NTRK1: variants seen among roughly 807,000 people sequenced by gnomAD.
NTRK1 encodes neurotrophic receptor tyrosine kinase 1.
NTRK1 carries 62 observed loss-of-function variants against 86.8 expected under a neutral mutation model. The ratio of observed to expected loss-of-function variants is 0.71; its 90% confidence interval spans 0.58 to 0.88. The LOEUF is 0.88. NTRK1 is among the 40% of genes least tolerant of loss of function. NTRK1 has a pLI of 0.00. For synonymous variants in NTRK1, 469 were observed against 456.6 expected (o/e 1.03, Z -0.35); for missense variants, 967 against 1,078.4 (o/e 0.90, Z 1.45).
chr1:156,866,727 A>G (rs1655949178), intron 3 of NTRK1, among the ~76,000 whole-genome samples, 183 bp from the exon 4 acceptor site: 2 of 145,940 alleles, frequency 1.4e-5, no homozygotes, highest in Admixed American at 1.4e-4. Flanking sequence ...GGACTCAGAA[A>G]GTCCCCCCAC....
At chr1:156,867,800 A>G (rs1647252427) in intron 4 of NTRK1, among the ~76,000 whole-genome samples, 1 of 151,828 alleles carries the variant, frequency 6.6e-6, no homozygotes. Context: ...CAGCCTCCTG[A>G]GTAGGTGGGA....
chr1:156,849,206 T>TGTGG (rs1655117633), intron 2 of NTRK1: 1 of 1,608,212 alleles, frequency 6.2e-7, no homozygotes. Flanking sequence ...GTGTCTAGTG[T>TGTGG]GTGGCCGCGT....
chr1:156,867,304 T>A (rs1348450974), intron 4 of NTRK1, among the ~76,000 whole-genome samples: 1 of 152,118 alleles, frequency 6.6e-6, no homozygotes, highest in Non-Finnish European at 1.5e-5. Flanking sequence ...GCAGCAGGGG[T>A]CCATGTGTAC....
intron 1 of NTRK1, chr1:156,816,218 C>G: frequency 7.0e-7 from 1 of 1,429,828 alleles, no homozygotes; most frequent in Non-Finnish European, 9.3e-7. Flanking sequence ...ACAGGAAAAA[C>G]GCAGAAGGGC....
intron 1 of NTRK1, chr1:156,841,439 A>G (rs149108213): frequency 4.2e-4 from 678 of 1,613,828 alleles, no homozygotes; most frequent in Non-Finnish European, 5.1e-4. Context: ...CCCGCCATCC[A>G]TGACGAACTT....
intron 2 of NTRK1, chr1:156,843,110 G>A: frequency 6.2e-7 from 1 of 1,614,126 alleles, no homozygotes; most frequent in Non-Finnish European, 8.5e-7. Flanking sequence ...CACGGGTGTG[G>A]ACTCCTCTCC....
At chr1:156,867,864 G>A (rs1018016520) in intron 4 of NTRK1, among the ~76,000 whole-genome samples, 4 of 149,262 alleles carry the variant, frequency 2.7e-5, no homozygotes, top group Admixed American at 7.6e-5. Context: ...TAGTAGAGAC[G>A]GGGTTTCACT....
intron 3 of NTRK1, among the ~76,000 whole-genome samples, chr1:156,865,526 G>C (rs1360753721): frequency 6.6e-6 from 1 of 152,210 alleles, no homozygotes; most frequent in East Asian, 1.9e-4. Context: ...GTGTGGCCCG[G>C]TTCCTAAGAG....
At position 156,848,967 on chromosome 1, in the gene NTRK1, G is replaced by A. The variant is rs1316412063; in HGVS notation, c.50+6774G>A. On this transcript the variant is annotated intron_variant, in intron 2 of 16. Coordinates refer to the NTRK1 transcript ENST00000392302. ...AAGCTGAGCAGGTCGCGGGCCTCCA[G>A]TGGCTCATAGCGCTCCCAGCGTAGC... The A allele has an allele frequency of 1.9e-6, 3 of 1,605,840 alleles. No individual in the cohort carries two copies. The African/African-American group carries it at 4.0e-5, about 21-fold the overall frequency.
At chr1:156,829,106 T>G (rs993758118) in intron 1 of NTRK1, among the ~76,000 whole-genome samples, 1 of 151,980 alleles carries the variant, frequency 6.6e-6, no homozygotes, top group Non-Finnish European at 1.5e-5. Flanking sequence ...AGAAATAAAT[T>G]TATGAACAAA....
chr1:156,842,328 A>G, intron 2 of NTRK1: 1 of 1,613,382 alleles, frequency 6.2e-7, no homozygotes, highest in Non-Finnish European at 8.5e-7. Flanking sequence ...TCTCCTGTCC[A>G]GAACTGGCCC....
intron 1 of NTRK1, among the ~76,000 whole-genome samples, chr1:156,822,523 C>T (rs1276969092): frequency 1.3e-5 from 2 of 150,164 alleles, no homozygotes; most frequent in African/African-American, 4.9e-5. Flanking sequence ...GATCCCACCA[C>T]TGCACTCCAG....
At chr1:156,844,767 C>T in intron 2 of NTRK1, 2 of 1,614,122 alleles carry the variant, frequency 1.2e-6, no homozygotes, top group Non-Finnish European at 1.7e-6. Context: ...GGTCTGGTGG[C>T]TCGAGCCAGC....
rs772255621 is a variant in NTRK1 at position 156,841,019 on chromosome 1, G to C, written c.-63-1062G>C. The C allele has an allele frequency of 6.8e-6, 11 of 1,607,698 alleles. No individual in the cohort carries two copies. In the Admixed American group the frequency reaches 1.9e-4, roughly 27 times the overall value. On this transcript the variant is annotated intron_variant, in intron 1 of 16. Transcript: ENST00000392302. ...GAGAGGAGGCGGAAGGAGGGCCGCA[G>C]CTCCTCCTGTATGCTGTCCAGAATG...
At chr1:156,864,905 C>A in intron 3 of NTRK1, 106 bp downstream of exon 3, 1 of 1,166,720 alleles carries the variant, frequency 8.6e-7, no homozygotes, top group Non-Finnish European at 1.3e-6. Context: ...AGGGCCCAAG[C>A]CTGGTCAGGG....
Position 156,826,293 on chromosome 1 carries a change from C to CTTTTTTTTTTT in NTRK1, c.-64+10468_-64+10478dup, listed in dbSNP as rs386368405. Among the ~76,000 whole-genome samples, 6 of 88,434 alleles carry CTTTTTTTTTTT rather than the reference C, an allele frequency of 6.8e-5. 2 individuals are homozygous for CTTTTTTTTTTT. The highest frequency in any genetic ancestry group is 8.2e-5 in the African/African-American group (2 of 24,448). 58.0% of individuals were successfully genotyped at this position (88,434 alleles called of 152,430 possible). The stretch of plus-strand genomic sequence containing the variant: ...ACGTTGTCCAGGCTAGACTTGAGCT[C>CTTTTTTTTTTT]TTTTTTTTTTTTTTTTTTTTTTTCT... On this transcript the variant is annotated intron_variant, in intron 1 of 16. Transcript: ENST00000392302.
chr1:156,823,004 G>T (rs914349587), intron 1 of NTRK1, among the ~76,000 whole-genome samples: 1 of 152,180 alleles, frequency 6.6e-6, no homozygotes, highest in Non-Finnish European at 1.5e-5. Flanking sequence ...TTGGTCCACT[G>T]CATGAGGATC....
At chr1:156,857,397 C>T (rs1182667574), upstream of NTRK1, among the ~76,000 whole-genome samples, 1 of 152,200 alleles carries the variant, frequency 6.6e-6, no homozygotes, top group African/African-American at 2.4e-5. Flanking sequence ...TTTGGAAAAA[C>T]AAATCTAAAA....
rs555188980 is a variant in NTRK1, at chr1:156,880,813, G to A, written c.2206-644G>A. ...ACCCAAGTCCTCTAATAGGGAGGGGGGAAGAAGGGGAAAAGAGGCTCCAGG... is the reference window on the plus strand; with the variant it reads ...ACCCAAGTCCTCTAATAGGGAGGGGAGAAGAAGGGGAAAAGAGGCTCCAGG... On this transcript the variant is annotated intron_variant, in intron 16 of 16. Coordinates refer to ENST00000524377, the MANE Select transcript of NTRK1 (RefSeq NM_002529.4). Among the ~76,000 whole-genome samples, 40 of 152,310 alleles carry A rather than the reference G, an allele frequency of 2.6e-4. No individual in the cohort carries two copies. The South Asian group carries it at 4.4e-3, about 17-fold the overall frequency.
Sources: gnomAD v4.1 joint callset for allele counts (sites outside exome capture counted in the v4.1 genomes callset) on GRCh38, gnomAD v4.1.1 for gene constraint, MANE v1.5 for transcripts, NCBI Gene and HGNC (gene_info 2026-07-23, HGNC 2026-07-21) for gene names.